PKDCC: variants seen among roughly 807,000 people sequenced by gnomAD.
PKDCC encodes the protein extracellular tyrosine-protein kinase PKDCC.
A neutral mutation model predicts 44.7 loss-of-function variants in PKDCC; 35 were observed. That is an observed-to-expected ratio of 0.78 (90% CI 0.60 to 1.04). PKDCC has a LOEUF of 1.04. PKDCC is among the 50% of genes least tolerant of loss of function. The probability of loss-of-function intolerance (pLI) is 0.00; values close to 1 mark genes in which losing one functional copy is unlikely to be tolerated. For synonymous variants in PKDCC, 353 were observed against 303.3 expected (o/e 1.16, Z -1.70); for missense variants, 738 against 672.7 (o/e 1.10, Z -1.07).
Position 42,051,431 on chromosome 2 carries a change from C to A in PKDCC, c.640-1808C>A, listed in dbSNP as rs935958203. On this transcript the variant is annotated intron_variant, in intron 1 of 6. Transcript: ENST00000294964. The surrounding 1 kb of genome is among the most constrained non-coding windows in gnomAD (Gnocchi z 4.2). ...ATTCTGGCCCTGCTAGAGTATATTT[C>A]TTCTCCCAACCAAACAAAAGATGTG... Among the ~76,000 whole-genome samples the A allele has an allele frequency of 6.6e-6, 1 of 151,966 alleles. No homozygotes were observed. Among genetic ancestry groups the A allele is most frequent in the African/African-American group, 2.4e-5 (1 of 41,366 alleles).
In PKDCC at chr2:42,049,954, C is replaced by T. The variant is rs141301389; in HGVS notation, c.639+1116C>T. On this transcript the variant is annotated intron_variant, in intron 1 of 6. Coordinates refer to ENST00000294964, the MANE Select transcript of PKDCC (RefSeq NM_138370.3). ...CTCAAACTAACCTTTCTGCACCCAG[C>T]AGAAATGACTGGAAACCCAGGAGTC... Among the ~76,000 whole-genome samples, 315 of 152,310 alleles carry T rather than the reference C, an allele frequency of 2.1e-3. 2 individuals are homozygous for T. The highest frequency in any genetic ancestry group is 0.016 in the South Asian group (77 of 4,834).
In PKDCC at chr2:42,048,859, G is replaced by C; in HGVS notation, c.639+21G>C. ...TGCAGGTACGAGGGTGGGGACGCGG[G>C]GGTAACGGTGTTGGCTGGGAGTGCC... On this transcript the variant is annotated intron_variant, in intron 1 of 6. Coordinates refer to ENST00000294964, the MANE Select transcript of PKDCC (RefSeq NM_138370.3). The surrounding 1 kb of genome is among the most constrained non-coding windows in gnomAD (Gnocchi z 6.2). 1.4e-6 allele frequency: 2 copies of C among 1,454,666 alleles called. No individual in the cohort carries two copies. The highest frequency in any genetic ancestry group is 2.4e-5 in the East Asian group (1 of 41,432). 90.1% of individuals were successfully genotyped at this position (1,454,666 alleles called of 1,614,324 possible). A position where few individuals can be genotyped will look rare whatever the true frequency, so the allele number is the denominator to read the frequency against.
Position 42,051,308 on chromosome 2 carries a change from G to A in PKDCC, c.640-1931G>A, listed in dbSNP as rs973797604. Among the ~76,000 whole-genome samples the A allele has an allele frequency of 3.3e-5, 5 of 149,332 alleles. No individual in the cohort carries two copies. The highest frequency in any genetic ancestry group is 1.2e-4 in the African/African-American group (5 of 40,400). On this transcript the variant is annotated intron_variant, in intron 1 of 6. Transcript: ENST00000294964. This position sits in a 1 kb window ranked among gnomAD's most constrained non-coding sequence, Gnocchi z 4.2. ...TATAGCCCAGGGCCAAAGGGCACAA[G>A]GGTCTCCCCTCCCCTCAACCTCTCC...
rs913788445 is a variant in PKDCC, at chr2:42,048,056, G to A, written c.-144G>A. The A allele has an allele frequency of 2.5e-4, 75 of 299,304 alleles. No individual in the cohort carries two copies. The highest frequency in any genetic ancestry group is 1.4e-3 in the African/African-American group (58 of 42,556). The allele number at this position is 299,304 out of a possible 1,614,324, so 18.5% of individuals were successfully genotyped here. On this transcript the variant is annotated 5_prime_UTR_variant, in exon 1 of 7. Coordinates refer to ENST00000294964, the MANE Select transcript of PKDCC (RefSeq NM_138370.3). This position sits in a 1 kb window ranked among gnomAD's most constrained non-coding sequence, Gnocchi z 6.2. ...CAGGCCGATGTGTCGCCCGCGAGGG[G>A]CCGGGGTCGGGGCCGCCGGGGCCAT...
chr2:42,057,638 C>T lies in PKDCC; in HGVS notation c.1432C>T (p.Gln478Ter). The change falls in exon 7 of 7, where the codon CAA (glutamine) becomes TAA (stop). Residue 478 changes from glutamine to a stop codon, truncating the protein, a stop_gained. Coordinates refer to ENST00000294964, the MANE Select transcript of PKDCC (RefSeq NM_138370.3). LOFTEE classifies it high-confidence loss of function. Reference sequence around the variant, plus strand: ...GGTCTTTTTCAAGACTGGATGGAGCCAAGTGGTCCCTGATCCCAACAAGAC... The same window carrying T: ...GGTCTTTTTCAAGACTGGATGGAGCTAAGTGGTCCCTGATCCCAACAAGAC... ...QLVFFKTGWS[Q>*]VVPDPNKTTY... is the part of the protein sequence containing the mutation. 5 of 1,614,022 alleles carry T rather than the reference C, an allele frequency of 3.1e-6. No individual in the cohort carries two copies. Among genetic ancestry groups the T allele is most frequent in the Non-Finnish European group, 4.2e-6 (5 of 1,180,006 alleles).
chr2:42,056,270 A>G (rs1477060067), intron 5 of PKDCC, among the ~76,000 whole-genome samples: 1 of 152,124 alleles, frequency 6.6e-6, no homozygotes, highest in Non-Finnish European at 1.5e-5. Flanking sequence ...AGTGGGAAAG[A>G]CAGGAGCAAA....
chr2:42,048,301 G>T lies in PKDCC; in HGVS notation c.102G>T (p.Arg34Ser). ...TCGCTCCGGGCTCGGAGCCTCCGAGGCCAGGCCAGTCCCCTGAGCCTTCGC... is the reference window on the plus strand; with the variant it reads ...TCGCTCCGGGCTCGGAGCCTCCGAGTCCAGGCCAGTCCCCTGAGCCTTCGC... ...VLFAPGSEPP[R>S]PGQSPEPSPA... Residue 34 changes from arginine to serine, a missense_variant, in exon 1 of 7, where the codon AGG (arginine) becomes AGT (serine). By Grantham distance (110) the Arg-to-Ser change is moderately radical (BLOSUM62 -1). Coordinates refer to ENST00000294964, the MANE Select transcript of PKDCC (RefSeq NM_138370.3). The surrounding 1 kb of genome is among the most constrained non-coding windows in gnomAD (Gnocchi z 6.2). 1 of 1,251,480 alleles carries T rather than the reference G, an allele frequency of 8.0e-7. No homozygotes were observed. Among genetic ancestry groups the T allele is most frequent in the Non-Finnish European group, 1.0e-6 (1 of 995,146 alleles). The allele number at this position is 1,251,480 out of a possible 1,614,324, so 77.5% of individuals were successfully genotyped here. A position where few individuals can be genotyped will look rare whatever the true frequency, so the allele number is the denominator to read the frequency against.
At position 42,055,587 on chromosome 2, in the gene PKDCC, C is replaced by A; in HGVS notation, c.1222+194C>A. The A allele has an allele frequency of 1.7e-6, 1 of 582,232 alleles. No homozygotes were observed. 36.1% of individuals were successfully genotyped at this position (582,232 alleles called of 1,614,324 possible). A position where few individuals can be genotyped will look rare whatever the true frequency, so the allele number is the denominator to read the frequency against. ...GGTTCCATCTCTAGCTGAGCTAGAGCAACTATAATTCTGCCTTCAACCTGG... is the reference window on the plus strand; with the variant it reads ...GGTTCCATCTCTAGCTGAGCTAGAGAAACTATAATTCTGCCTTCAACCTGG... On this transcript the variant is annotated intron_variant, in intron 5 of 6. Coordinates refer to ENST00000294964, the MANE Select transcript of PKDCC (RefSeq NM_138370.3). The surrounding 1 kb of genome is among the most constrained non-coding windows in gnomAD (Gnocchi z 4.5).
chr2:42,057,166 G>A, intron 5 of PKDCC, 55 bp from the exon 6 acceptor site: 1 of 1,582,530 alleles, frequency 6.3e-7, no homozygotes, highest in Non-Finnish European at 8.7e-7. Flanking sequence ...CACATCCTTG[G>A]GCACTCAAAC....
chr2:42,051,268 G>C lies in PKDCC; in HGVS notation c.640-1971G>C. ...GACACACGCATACACACTCCCTCAC[G>C]TGACTTGACTCCTCTATAGCCCAGG... On this transcript the variant is annotated intron_variant, in intron 1 of 6. Coordinates refer to ENST00000294964, the MANE Select transcript of PKDCC (RefSeq NM_138370.3). The surrounding 1 kb of genome is among the most constrained non-coding windows in gnomAD (Gnocchi z 4.2). Among the ~76,000 whole-genome samples the C allele has an allele frequency of 7.0e-6, 1 of 143,268 alleles. No homozygotes were observed. Among genetic ancestry groups the C allele is most frequent in the South Asian group, 2.3e-4 (1 of 4,262 alleles). 94.0% of individuals were successfully genotyped at this position (143,268 alleles called of 152,430 possible). A position where few individuals can be genotyped will look rare whatever the true frequency, so the allele number is the denominator to read the frequency against.
intron 1 of PKDCC, among the ~76,000 whole-genome samples, chr2:42,049,228 C>T (rs916942722): frequency 1.3e-5 from 2 of 152,224 alleles, no homozygotes; most frequent in African/African-American, 4.8e-5. Flanking sequence ...AGAATTCCAA[C>T]TGTGTGATAA....
In PKDCC at chr2:42,051,272, CT is replaced by C. The variant is rs1371207829; in HGVS notation, c.640-1965del. Among the ~76,000 whole-genome samples, 1 of 150,338 alleles carries C rather than the reference CT, an allele frequency of 6.7e-6. No homozygotes were observed. The highest frequency in any genetic ancestry group is 1.5e-5 in the Non-Finnish European group (1 of 67,498). ...CACGCATACACACTCCCTCACGTGACTTGACTCCTCTATAGCCCAGGGCCAA... is the reference window on the plus strand; with the variant it reads ...CACGCATACACACTCCCTCACGTGACTGACTCCTCTATAGCCCAGGGCCAA... On this transcript the variant is annotated intron_variant, in intron 1 of 6. Transcript: ENST00000294964. This position sits in a 1 kb window ranked among gnomAD's most constrained non-coding sequence, Gnocchi z 4.2.
chr2:42,057,927 A>C lies in PKDCC; in HGVS notation c.*239A>C. On this transcript the variant is annotated 3_prime_UTR_variant, in exon 7 of 7. Transcript: ENST00000294964. ...CTAGTCCAGGAATCATGGGGGTATG[A>C]CTGCCTCTCCAACCCTGTGGGCTGT... The C allele has an allele frequency of 1.8e-6, 1 of 545,764 alleles. No individual in the cohort carries two copies. The highest frequency in any genetic ancestry group is 3.3e-6 in the Non-Finnish European group (1 of 304,688). The allele number at this position is 545,764 out of a possible 1,614,324, so 33.8% of individuals were successfully genotyped here.
rs1297978664 is a variant in PKDCC, at chr2:42,051,373, C to T, written c.640-1866C>T. 1.2e-5 allele frequency among the ~76,000 whole-genome samples: 1 copy of T among 83,866 alleles called. No individual in the cohort carries two copies. The highest frequency in any genetic ancestry group is 2.4e-4 in the East Asian group (1 of 4,202). The allele number at this position is 83,866 out of a possible 152,430, so 55.0% of individuals were successfully genotyped here. Reference sequence around the variant, plus strand: ...CCCAGTCATCCTGGGGCCCCCAGGCCTTGGATGGGCCCCCAGGCCTGCCTG... The same window carrying T: ...CCCAGTCATCCTGGGGCCCCCAGGCTTTGGATGGGCCCCCAGGCCTGCCTG... On this transcript the variant is annotated intron_variant, in intron 1 of 6. Transcript: ENST00000294964. The surrounding 1 kb of genome is among the most constrained non-coding windows in gnomAD (Gnocchi z 4.2).
intron 5 of PKDCC, among the ~76,000 whole-genome samples, chr2:42,056,636 C>T (rs1193460452): frequency 2.0e-5 from 3 of 152,064 alleles, no homozygotes; most frequent in South Asian, 4.1e-4. Flanking sequence ...TGGTGGCTTA[C>T]ACCTGTAATC....
chr2:42,056,239 C>T (rs1668055412), intron 5 of PKDCC, among the ~76,000 whole-genome samples: 1 of 152,046 alleles, frequency 6.6e-6, no homozygotes, highest in Non-Finnish European at 1.5e-5. Context: ...ATTATCAGTC[C>T]AGAGCTGGGG....
At chr2:42,053,394 C>T in intron 2 of PKDCC, 33 bp downstream of exon 2, 1 of 1,585,100 alleles carries the variant, frequency 6.3e-7, no homozygotes, top group Middle Eastern at 1.7e-4. Flanking sequence ...GCCCTGGGCT[C>T]CTTGCTAGGA....
intron 5 of PKDCC, among the ~76,000 whole-genome samples, chr2:42,056,784 A>G (rs994900584): frequency 1.6e-4 from 25 of 152,080 alleles, no homozygotes; most frequent in African/African-American, 4.8e-4. Flanking sequence ...AAAAAAAAAG[A>G]AAAGAAAAAG....
Position 42,054,598 on chromosome 2 carries a change from C to A in PKDCC, c.1034+291C>A. 1 of 544,300 alleles carries A rather than the reference C, an allele frequency of 1.8e-6. No individual in the cohort carries two copies. Among genetic ancestry groups the A allele is most frequent in the South Asian group, 2.5e-5 (1 of 40,560 alleles). The allele number at this position is 544,300 out of a possible 1,614,324, so 33.7% of individuals were successfully genotyped here. The stretch of plus-strand genomic sequence containing the variant: ...GAACTGGCACTTTTCCCTTCCCACC[C>A]AGGCCCTTGTGCTCTGGGAAATTCC... On this transcript the variant is annotated intron_variant, in intron 3 of 6. Coordinates refer to ENST00000294964, the MANE Select transcript of PKDCC (RefSeq NM_138370.3). The surrounding 1 kb of genome is among the most constrained non-coding windows in gnomAD (Gnocchi z 6.1).
Sources: allele counts gnomAD v4.1 joint callset (sites outside exome capture counted in the v4.1 genomes callset), GRCh38; gene constraint gnomAD v4.1.1; non-coding constraint Gnocchi (gnomAD v3.1); transcripts MANE v1.5; gene names NCBI Gene and HGNC (gene_info 2026-07-23, HGNC 2026-07-21).